Variants in COL4A6 observed in about 807,000 individuals in gnomAD.
COL4A6 encodes collagen type IV alpha 6 chain.
A neutral mutation model predicts 126.7 loss-of-function variants in COL4A6; 59 were observed. That is an observed-to-expected ratio of 0.47 (90% CI 0.38 to 0.58). The LOEUF is 0.58. Among genes scored for constraint, COL4A6 ranks in the 20% least tolerant of loss-of-function variants. The pLI, the probability that COL4A6 is intolerant of heterozygous loss-of-function variation, is 0.00. For missense variants in COL4A6, 1,285 were observed against 1,337.3 expected (o/e 0.96, Z 0.61); for synonymous variants, 547 against 496.6 (o/e 1.10, Z -1.35).
At chrX:108,300,978 A>T (rs186766373) in intron 3 of COL4A6, among the ~76,000 whole-genome samples, 227 of 112,816 alleles carry the variant, frequency 2.0e-3, no homozygotes, top group African/African-American at 6.3e-3. Flanking sequence ...ATTTGTTAAA[A>T]TAAAAGCTCT....
chrX:108,339,374 C>G (rs1450109660), intron 2 of COL4A6, among the ~76,000 whole-genome samples: 1 of 111,713 alleles, frequency 9.0e-6, no homozygotes, highest in Non-Finnish European at 1.9e-5. Context: ...CCCTTTTCAT[C>G]CTCCTTTCCT....
At chrX:108,165,160 C>A (rs1176226280) in intron 38 of COL4A6, 122 bp from the exon 39 acceptor site, 2 of 838,684 alleles carry the variant, frequency 2.4e-6, no homozygotes, top group Non-Finnish European at 3.4e-6. Context: ...CCCTCACCAT[C>A]GGTGGGGTCC....
chrX:108,161,580 T>C (rs1004812775), intron 42 of COL4A6, 39 bp downstream of exon 42: 1 of 644,861 alleles, frequency 1.6e-6, no homozygotes. Context: ...CAGACCACCA[T>C]CCCCGCCCCG....
intron 33 of COL4A6, 80 bp downstream of exon 33, chrX:108,171,307 G>A: frequency 1.1e-6 from 1 of 871,706 alleles, no homozygotes; most frequent in African/African-American, 2.0e-5. Context: ...CAGAACTTGG[G>A]GTTGACCTCC....
chrX:108,408,852 T>C (rs2041268201), intron 2 of COL4A6, among the ~76,000 whole-genome samples: 1 of 111,195 alleles, frequency 9.0e-6, no homozygotes. Context: ...TCCCGGCTAC[T>C]CAGGAGGCTG....
At chrX:108,220,934 T>A in intron 4 of COL4A6, 1 of 278,707 alleles carries the variant, frequency 3.6e-6, no homozygotes, top group South Asian at 3.5e-5. Flanking sequence ...TGAAACTCCA[T>A]CTCTACTAAA....
At position 108,216,973 on chromosome X, in the gene COL4A6, C is replaced by T. The variant is rs73535901; in HGVS notation, c.324+2725G>A. Among the ~76,000 whole-genome samples the T allele has an allele frequency of 2.1e-3, 241 of 112,602 alleles. 2 individuals are homozygous for T. Among genetic ancestry groups the T allele is most frequent in the African/African-American group, 7.5e-3 (232 of 31,064 alleles). ...TTGAACTGAAAACATTTGATAAACACACATTTCTTGTGGATGCCAACAGGC... is the reference window on the plus strand; with the variant it reads ...TTGAACTGAAAACATTTGATAAACATACATTTCTTGTGGATGCCAACAGGC... On this transcript the variant is annotated intron_variant, in intron 5 of 44. Coordinates refer to ENST00000334504, the MANE Select transcript of COL4A6 (RefSeq NM_033641.4).
intron 3 of COL4A6, among the ~76,000 whole-genome samples, chrX:108,259,512 C>T (rs1051499788): frequency 1.8e-5 from 2 of 111,529 alleles, no homozygotes; most frequent in African/African-American, 6.5e-5. Context: ...GCGGGATTCT[C>T]TCCGAGTTAG....
chrX:108,404,227 T>C (rs2041157585), intron 2 of COL4A6, among the ~76,000 whole-genome samples: 1 of 112,176 alleles, frequency 8.9e-6, no homozygotes, highest in East Asian at 2.8e-4. Context: ...TTTTAGTAAA[T>C]AAAAATGACT....
chrX:108,175,986 C>T (rs952168073), intron 28 of COL4A6, among the ~76,000 whole-genome samples, 189 bp from the exon 29 acceptor site: 2 of 110,738 alleles, frequency 1.8e-5, no homozygotes, highest in Non-Finnish European at 3.8e-5. Flanking sequence ...TATTATACTA[C>T]CTTCCTGAAT....
chrX:108,400,312 C>A (rs1173842124), intron 2 of COL4A6, among the ~76,000 whole-genome samples: 3 of 111,102 alleles, frequency 2.7e-5, no homozygotes, highest in Admixed American at 9.6e-5. Context: ...TTCTTTACTA[C>A]AATGTTAAAA....
intron 2 of COL4A6, among the ~76,000 whole-genome samples, chrX:108,420,837 A>C (rs928547667): frequency 9.0e-6 from 1 of 111,687 alleles, no homozygotes. Flanking sequence ...GGTGTCCTTC[A>C]TAATAGTGTT....
At chrX:108,318,883 A>G (rs1310028505) in intron 2 of COL4A6, among the ~76,000 whole-genome samples, 2 of 112,562 alleles carry the variant, frequency 1.8e-5, no homozygotes, top group Non-Finnish European at 3.8e-5. Context: ...TGGATTTCCA[A>G]GCTGCTTTTG....
chrX:108,310,928 C>T (rs770059893), intron 2 of COL4A6, 100 bp from the exon 3 acceptor site: 28 of 619,052 alleles, frequency 4.5e-5, no homozygotes, highest in South Asian at 5.8e-5. Context: ...AAATCTATTG[C>T]GGCTTAATGA....
In COL4A6 at chrX:108,156,356, C is replaced by G; in HGVS notation, c.*644G>C. ...GTCTAGGACCATATGCCATTAATGA[C>G]CACCACCCCCAACCCAGCTGCTGGC... On this transcript the variant is annotated 3_prime_UTR_variant, in exon 45 of 45. Coordinates refer to ENST00000334504, the MANE Select transcript of COL4A6 (RefSeq NM_033641.4). 8.9e-6 allele frequency: 1 copy of G among 112,013 alleles called. No individual in the cohort carries two copies. Among genetic ancestry groups the G allele is most frequent in the Non-Finnish European group, 1.9e-5 (1 of 53,436 alleles). The allele number at this position is 112,013 out of a possible 1,213,427, so 9.2% of individuals were successfully genotyped here.
intron 41 of COL4A6, among the ~76,000 whole-genome samples, chrX:108,162,489 A>C (rs951811712): frequency 2.8e-4 from 31 of 111,368 alleles, no homozygotes; most frequent in African/African-American, 9.5e-4. Context: ...GAAGAAGAAG[A>C]GGAAGAAAAT....
At position 108,156,520 on chromosome X, in the gene COL4A6, G is replaced by A. The variant is rs1472728015; in HGVS notation, c.*480C>T. The A allele has an allele frequency of 8.5e-6, 1 of 118,002 alleles. No homozygotes were observed. The highest frequency in any genetic ancestry group is 1.7e-5 in the Non-Finnish European group (1 of 57,189). The allele number at this position is 118,002 out of a possible 1,213,427, so 9.7% of individuals were successfully genotyped here. A position where few individuals can be genotyped will look rare whatever the true frequency, so the allele number is the denominator to read the frequency against. On this transcript the variant is annotated 3_prime_UTR_variant, in exon 45 of 45. Transcript: ENST00000334504. ...ACAGTGGGCCTCCTTGAAGAGTGAG[G>A]ACTTGCTCTGTGCAGACTTGAGCCA... is the stretch of plus-strand genomic sequence containing the variant.
In COL4A6 at chrX:108,175,050, T is replaced by G. The variant is rs763364854; in HGVS notation, c.2956+40A>C. 3.5e-6 allele frequency: 4 copies of G among 1,133,831 alleles called. No homozygotes were observed. In the Admixed American group the frequency reaches 1.2e-4, roughly 33 times the overall value. The allele number at this position is 1,133,831 out of a possible 1,213,427, so 93.4% of individuals were successfully genotyped here. On this transcript the variant is annotated intron_variant, in intron 30 of 44. Transcript: ENST00000334504. Reference sequence around the variant, plus strand: ...GGAAGCCAAGTTTGGTTATGAAGCCTCTCTTGAGCATTTCTCCTATCCATC... The same window carrying G: ...GGAAGCCAAGTTTGGTTATGAAGCCGCTCTTGAGCATTTCTCCTATCCATC...
intron 5 of COL4A6, among the ~76,000 whole-genome samples, chrX:108,218,005 C>T (rs180852110): frequency 4.1e-4 from 46 of 111,988 alleles, no homozygotes; most frequent in Non-Finnish European, 7.7e-4. Flanking sequence ...AATGAAGCCT[C>T]GAAGAGAAGT....
Sources: gnomAD v4.1 joint callset for allele counts (sites outside exome capture counted in the v4.1 genomes callset) on GRCh38, gnomAD v4.1.1 for gene constraint, MANE v1.5 for transcripts, NCBI Gene and HGNC (gene_info 2026-07-23, HGNC 2026-07-21) for gene names.